The following RSPO2 variants were observed in gnomAD, a reference collection of about 807,000 sequenced individuals.
The protein encoded by RSPO2 is R-spondin 2.
In RSPO2, 14 loss-of-function variants were observed where a neutral mutation model predicts 30.9. The observed-to-expected ratio is 0.45, with a 90% confidence interval of 0.30 to 0.71. RSPO2 has a LOEUF of 0.71. Among genes scored for constraint, RSPO2 ranks in the 30% least tolerant of loss-of-function variants. RSPO2 has a pLI of 0.08. For synonymous variants in RSPO2, 107 were observed against 96.4 expected (o/e 1.11, Z -0.64); for missense variants, 264 against 301.9 (o/e 0.87, Z 0.93).
At position 108,010,977 on chromosome 8, in the gene RSPO2, T is replaced by A. The variant is rs114888400; in HGVS notation, c.95-21733A>T. Among the ~76,000 whole-genome samples, 322 of 150,462 alleles carry A rather than the reference T, an allele frequency of 2.1e-3. 1 individual carries two copies. The highest frequency in any genetic ancestry group is 7.3e-3 in the African/African-American group (301 of 41,036). ...GACCTTGTCTCCACATACAAAAAAA[T>A]TTTAAATTAGTGGGGCATGGTAGTG... On this transcript the variant is annotated intron_variant, in intron 2 of 5. Coordinates refer to ENST00000276659, the MANE Select transcript of RSPO2 (RefSeq NM_178565.5).
chr8:108,035,283 T>C (rs865899339), intron 2 of RSPO2, among the ~76,000 whole-genome samples: 3 of 152,210 alleles, frequency 2.0e-5, no homozygotes, highest in African/African-American at 7.2e-5. Context: ...TGGTGAGACT[T>C]CCTACTGTGC....
intron 2 of RSPO2, among the ~76,000 whole-genome samples, chr8:108,030,934 C>T (rs931772920): frequency 4.6e-5 from 7 of 151,948 alleles, no homozygotes; most frequent in Non-Finnish European, 7.4e-5. Flanking sequence ...GAAGGCTGTC[C>T]GAGGTCCCTG....
At chr8:107,902,059 T>C (rs1236975451) in intron 5 of RSPO2, among the ~76,000 whole-genome samples, 1 of 152,138 alleles carries the variant, frequency 6.6e-6, no homozygotes, top group Non-Finnish European at 1.5e-5. Flanking sequence ...TTTGTACACA[T>C]AAGATTTTGA....
At chr8:108,000,694 T>C (rs949616839) in intron 2 of RSPO2, among the ~76,000 whole-genome samples, 1 of 151,964 alleles carries the variant, frequency 6.6e-6, no homozygotes, top group Non-Finnish European at 1.5e-5. Context: ...CTGAAATAAG[T>C]GGGACTTAGA....
rs946082111 is a variant in RSPO2, at chr8:108,036,713, T to C, written c.94+45832A>G. Among the ~76,000 whole-genome samples the C allele has an allele frequency of 3.9e-5, 6 of 152,252 alleles. No homozygotes were observed. The South Asian group carries it at 8.3e-4, about 21-fold the overall frequency. On this transcript the variant is annotated intron_variant, in intron 2 of 5. Transcript: ENST00000276659. ...AGGTGGGAGGAAGGTTGTTGTTTTATATATTGAAGGTTTCTGGCAACCTTA... is the reference window on the plus strand; with the variant it reads ...AGGTGGGAGGAAGGTTGTTGTTTTACATATTGAAGGTTTCTGGCAACCTTA...
At chr8:107,951,405 A>C (rs540961815) in intron 5 of RSPO2, among the ~76,000 whole-genome samples, 44 of 152,300 alleles carry the variant, frequency 2.9e-4, no homozygotes, top group Admixed American at 8.5e-4. Flanking sequence ...AGACATTCCT[A>C]TCTTATAAAA....
At chr8:107,972,781 T>A (rs1024223230) in intron 3 of RSPO2, among the ~76,000 whole-genome samples, 1 of 152,144 alleles carries the variant, frequency 6.6e-6, no homozygotes, top group African/African-American at 2.4e-5. Context: ...AGGATGCTAT[T>A]ATTCCAGAGT....
chr8:108,045,141 G>T (rs181523492), intron 2 of RSPO2, among the ~76,000 whole-genome samples: 1 of 152,094 alleles, frequency 6.6e-6, no homozygotes, highest in Non-Finnish European at 1.5e-5. Context: ...TAAACACACA[G>T]CCTACAGAAT....
intron 2 of RSPO2, among the ~76,000 whole-genome samples, chr8:108,070,782 A>G (rs2130723996): frequency 6.6e-6 from 1 of 152,336 alleles, no homozygotes; most frequent in South Asian, 2.1e-4. Context: ...CTCTCACGAG[A>G]TGCTCTCTGC....
intron 3 of RSPO2, among the ~76,000 whole-genome samples, chr8:107,987,206 C>A (rs947197495): frequency 1.3e-5 from 2 of 151,798 alleles, no homozygotes; most frequent in Non-Finnish European, 2.9e-5. Flanking sequence ...TTAAAGCCTC[C>A]GCAATTTATT....
At chr8:108,052,539 G>T (rs571980649) in intron 2 of RSPO2, among the ~76,000 whole-genome samples, 2 of 152,112 alleles carry the variant, frequency 1.3e-5, no homozygotes, top group Non-Finnish European at 2.9e-5. Flanking sequence ...TCTTTCCAAA[G>T]CATGGAGAAT....
At chr8:107,983,447 G>A in intron 3 of RSPO2, 3 of 1,599,056 alleles carry the variant, frequency 1.9e-6, no homozygotes, top group Non-Finnish European at 2.6e-6. Flanking sequence ...GATGCAGAGG[G>A]CCAGAGTCCC....
intron 5 of RSPO2, among the ~76,000 whole-genome samples, chr8:107,948,346 T>C (rs1048428788): frequency 7.2e-5 from 11 of 152,190 alleles, no homozygotes; most frequent in African/African-American, 2.7e-4. Context: ...TGGATTATCT[T>C]GGGGAAGTAG....
intron 2 of RSPO2, among the ~76,000 whole-genome samples, chr8:108,026,947 C>A (rs1426193033): frequency 6.6e-6 from 1 of 152,100 alleles, no homozygotes; most frequent in Non-Finnish European, 1.5e-5. Flanking sequence ...TCTGTAAAGT[C>A]TGAAGTTATT....
intron 5 of RSPO2, among the ~76,000 whole-genome samples, chr8:107,937,071 T>C (rs972910858): frequency 6.6e-6 from 1 of 152,054 alleles, no homozygotes; most frequent in Non-Finnish European, 1.5e-5. Context: ...CCTAGACCAA[T>C]GTCTTAAAGT....
At chr8:107,936,377 A>C (rs1399728623) in intron 5 of RSPO2, among the ~76,000 whole-genome samples, 3 of 152,018 alleles carry the variant, frequency 2.0e-5, no homozygotes, top group African/African-American at 7.2e-5. Flanking sequence ...TTGATTCCAT[A>C]TCTTTGCTAT....
At chr8:108,024,918 G>A (rs936740640) in intron 2 of RSPO2, among the ~76,000 whole-genome samples, 2 of 152,142 alleles carry the variant, frequency 1.3e-5, no homozygotes, top group African/African-American at 4.8e-5. Flanking sequence ...TACTTGGGAG[G>A]CTGAGGTAGG....
intron 5 of RSPO2, among the ~76,000 whole-genome samples, chr8:107,927,714 T>C (rs1211480004): frequency 6.6e-6 from 1 of 152,218 alleles, no homozygotes; most frequent in Non-Finnish European, 1.5e-5. Context: ...GGTTTGCATA[T>C]GTTGAACCAG....
intron 2 of RSPO2, among the ~76,000 whole-genome samples, chr8:107,997,436 G>A (rs958719337): frequency 2.6e-5 from 4 of 152,076 alleles, no homozygotes; most frequent in East Asian, 1.9e-4. Context: ...CCTAAAGCCC[G>A]CTGAGATCCA....
Sources: allele counts gnomAD v4.1 joint callset (sites outside exome capture counted in the v4.1 genomes callset), GRCh38; gene constraint gnomAD v4.1.1; transcripts MANE v1.5; gene names NCBI Gene and HGNC (gene_info 2026-07-23, HGNC 2026-07-21).